The following NAV3 variants were observed in gnomAD, a reference collection of about 807,000 sequenced individuals.
NAV3 encodes neuron navigator 3.
A neutral mutation model predicts 244.7 loss-of-function variants in NAV3; 87 were observed. The ratio of observed to expected loss-of-function variants is 0.36; its 90% CI spans 0.30 to 0.42. The LOEUF (loss-of-function observed/expected upper bound fraction) is 0.42. Among genes scored for constraint, NAV3 ranks in the 20% least tolerant of loss-of-function variants. NAV3 has a pLI of 1.00. For missense variants in NAV3, 2,663 were observed against 2,893.3 expected, an observed-to-expected ratio of 0.92 and a Z score of 1.83; for synonymous variants, 1,126 against 1,042.2, an observed-to-expected ratio of 1.08 and a Z score of -1.55.
chr12:77,857,024 A>G (rs1455819265), intron 1 of NAV3, among the ~76,000 whole-genome samples: 1 of 152,144 alleles, frequency 6.6e-6, no homozygotes, highest in Non-Finnish European at 1.5e-5. Flanking sequence ...TTTAACATCA[A>G]ATGCATTTAT....
chr12:77,934,254 C>T (rs1242273), intron 1 of NAV3, among the ~76,000 whole-genome samples: 73,623 of 151,842 alleles, frequency 0.48, 18,692 homozygotes, highest in South Asian at 0.65. Context: ...TCCTGTCATA[C>T]ATAACTTGAC....
At chr12:77,999,405 A>G (rs1353980916) in intron 7 of NAV3, among the ~76,000 whole-genome samples, 1 of 152,272 alleles carries the variant, frequency 6.6e-6, no homozygotes, top group Non-Finnish European at 1.5e-5. Context: ...ATTGGGATCA[A>G]ATAATTCAAC....
intron 22 of NAV3, among the ~76,000 whole-genome samples, chr12:78,151,642 G>T (rs1411187903): frequency 6.6e-6 from 1 of 151,914 alleles, no homozygotes; most frequent in Non-Finnish European, 1.5e-5. Flanking sequence ...AGGAGAGAGA[G>T]AGGTAGTGTG....
intron 12 of NAV3, among the ~76,000 whole-genome samples, chr12:78,081,098 C>A (rs992156247): frequency 6.6e-6 from 1 of 152,114 alleles, no homozygotes; most frequent in Non-Finnish European, 1.5e-5. Flanking sequence ...GCCTATCAGG[C>A]TATGTAAGTC....
At chr12:77,846,480 T>G (rs1876655359) in intron 1 of NAV3, among the ~76,000 whole-genome samples, 1 of 152,180 alleles carries the variant, frequency 6.6e-6, no homozygotes, top group Non-Finnish European at 1.5e-5. Context: ...ACTGTGCTGA[T>G]TTTAGTGCGC....
At chr12:77,750,624 T>A (rs1019754033) in intron 2 of NAV3, among the ~76,000 whole-genome samples, 1 of 152,054 alleles carries the variant, frequency 6.6e-6, no homozygotes. Context: ...AGGACATGAC[T>A]GTCTTGTTTG....
chr12:77,675,085 G>A (rs926056305), intron 2 of NAV3, among the ~76,000 whole-genome samples: 6 of 152,112 alleles, frequency 3.9e-5, no homozygotes, highest in Non-Finnish European at 5.9e-5. Flanking sequence ...CATGAATGAC[G>A]TCCTTGAGGT....
At chr12:77,760,781 A>G (rs919173973) in intron 2 of NAV3, among the ~76,000 whole-genome samples, 3 of 152,224 alleles carry the variant, frequency 2.0e-5, no homozygotes, top group Admixed American at 6.5e-5. Context: ...GTCAGCCACA[A>G]TGTTTCAAAA....
At chr12:77,572,582 C>T (rs1217879488) in intron 2 of NAV3, among the ~76,000 whole-genome samples, 5 of 152,146 alleles carry the variant, frequency 3.3e-5, no homozygotes, top group Admixed American at 3.3e-4. Flanking sequence ...AGGCATGAGT[C>T]ACAGGCACCT....
chr12:78,090,948 T>G (rs1953894227), intron 12 of NAV3, among the ~76,000 whole-genome samples: 1 of 138,026 alleles, frequency 7.2e-6, no homozygotes, highest in Admixed American at 7.9e-5. Context: ...TGTGCTGTGC[T>G]GTATTCTGTG....
At position 78,007,430 on chromosome 12, in the gene NAV3, C is replaced by A. The variant is rs772102002; in HGVS notation, c.1892C>A (p.Ala631Glu). Residue 631 changes from alanine (A) to glutamate (E), a missense_variant, in exon 8 of 40, where the codon GCA becomes GAA. Ala to Glu is a moderately radical substitution (Grantham distance 107). Around this residue, in one of 6 missense-constraint regions of NAV3, gnomAD observed 1,521 missense variants for 1,497.0 expected, o/e 1.02. Transcript: ENST00000397909. Reference sequence around the variant, plus strand: ...AGCCACCCGAATACCGCGACAGTGGCACCATTCATTTACAGGTAAGGTGGC... The same window carrying A: ...AGCCACCCGAATACCGCGACAGTGGAACCATTCATTTACAGGTAAGGTGGC... ...QHSHPNTATV[A>E]PFIYRAHSEN... 1 of 1,613,350 alleles carries A rather than the reference C, an allele frequency of 6.2e-7. No individual in the cohort carries two copies. The highest frequency in any genetic ancestry group is 8.5e-7 in the Non-Finnish European group (1 of 1,179,612).
intron 2 of NAV3, among the ~76,000 whole-genome samples, chr12:77,625,963 T>G (rs910747200): frequency 1.3e-5 from 2 of 152,022 alleles, no homozygotes; most frequent in Admixed American, 6.6e-5. Context: ...CAAAAATCTA[T>G]AAAATGCCTG....
intron 2 of NAV3, among the ~76,000 whole-genome samples, chr12:77,585,341 C>A (rs1380737176): frequency 6.6e-6 from 1 of 152,142 alleles, no homozygotes; most frequent in Non-Finnish European, 1.5e-5. Context: ...AACCATTTTT[C>A]TTTTCTACTC....
intron 2 of NAV3, among the ~76,000 whole-genome samples, chr12:77,722,138 C>A (rs1876664211): frequency 6.6e-6 from 1 of 152,018 alleles, no homozygotes; most frequent in African/African-American, 2.4e-5. Flanking sequence ...TTACTTGATG[C>A]ATATTTTTCT....
At chr12:77,944,822 G>A (rs767403817) in intron 3 of NAV3, among the ~76,000 whole-genome samples, 4 of 151,588 alleles carry the variant, frequency 2.6e-5, no homozygotes, top group Admixed American at 6.6e-5. Flanking sequence ...AATCACAGAT[G>A]TGGACTGCTA....
chr12:77,968,680 AC>A lies in NAV3; in HGVS notation c.652del (p.Gln218SerfsTer52). ...TCCATCGGAAGCCAGCCAGGCCAAA[AC>A]CCAGCAAGATATGCAGTCCAGGTAA... is the stretch of plus-strand genomic sequence containing the variant. ...SPPSEASQAKTQQDMQSSLAA... is the reference protein window; with the variant it reads ...SPPSEASQAKXQQDMQSSLAA... On this transcript the variant is annotated frameshift_variant, in exon 5 of 40. Transcript: ENST00000397909. LOFTEE classifies it high-confidence loss of function. 6.2e-7 allele frequency: 1 copy of A among 1,614,006 alleles called. No homozygotes were observed. The highest frequency in any genetic ancestry group is 8.5e-7 in the Non-Finnish European group (1 of 1,179,946).
rs755591670 is a variant in NAV3, at chr12:78,119,673, C to T, written c.3477C>T (p.Thr1159=). 3 of 1,614,078 alleles carry T rather than the reference C, an allele frequency of 1.9e-6. No individual in the cohort carries two copies. Among genetic ancestry groups the T allele is most frequent in the Non-Finnish European group, 1.7e-6 (2 of 1,180,048 alleles). ...IPGRGGHRSS[T]SSIDSNVSSK... ...GCCGAGGAGGCCACAGATCCAGTAC[C>T]AGCAGTATTGATTCCAACGTCAGCA... is the stretch of plus-strand genomic sequence containing the variant. The change falls in exon 15 of 40, where the codon ACC becomes ACT. Residue 1159 remains threonine, a synonymous_variant. Coordinates refer to ENST00000397909, the MANE Select transcript of NAV3 (RefSeq NM_001024383.2).
chr12:78,156,735 C>T (rs1957319116), intron 22 of NAV3, among the ~76,000 whole-genome samples: 1 of 151,998 alleles, frequency 6.6e-6, no homozygotes, highest in Non-Finnish European at 1.5e-5. Context: ...AAAGAAAACA[C>T]ACAATTTTAG....
At chr12:78,197,439 A>C in intron 35 of NAV3, 38 bp downstream of exon 35, 1 of 1,468,922 alleles carries the variant, frequency 6.8e-7, no homozygotes. Flanking sequence ...GAAATATGAA[A>C]TAATTATCAT....
Sources: allele counts gnomAD v4.1 joint callset (sites outside exome capture counted in the v4.1 genomes callset), GRCh38; gene constraint gnomAD v4.1.1; regional missense constraint gnomAD v4.1.1; transcripts MANE v1.5; gene names NCBI Gene and HGNC (gene_info 2026-07-23, HGNC 2026-07-21).